Variants in ACTL8 observed in about 807,000 individuals in gnomAD.
The protein encoded by ACTL8 is actin-like protein 8.
ACTL8 carries 3 observed loss-of-function variants against 9.3 expected under a neutral mutation model. That is an observed-to-expected ratio of 0.32 (90% CI 0.15 to 0.83). The LOEUF (loss-of-function observed/expected upper bound fraction) is 0.83. Ranked by LOEUF, ACTL8 falls within the 40% of genes least tolerant of loss-of-function variation. The pLI is 0.57. For missense variants in ACTL8, 381 were observed against 492.2 expected, an observed-to-expected ratio of 0.77 and a Z score of 2.14; for synonymous variants, 224 against 205.9, an observed-to-expected ratio of 1.09 and a Z score of -0.75.
intron 1 of ACTL8, among the ~76,000 whole-genome samples, chr1:17,807,771 A>C (rs1197353161): frequency 6.6e-6 from 1 of 151,612 alleles, no homozygotes; most frequent in Non-Finnish European, 1.5e-5. Flanking sequence ...ACACGTTCTC[A>C]CTCATAAGTG....
intron 1 of ACTL8, among the ~76,000 whole-genome samples, chr1:17,785,003 G>A (rs765631411): frequency 2.0e-5 from 3 of 151,980 alleles, no homozygotes; most frequent in East Asian, 1.9e-4. Flanking sequence ...GAGCTTGGGC[G>A]GTAGAACTCC....
rs547638953 is a variant in ACTL8 at position 17,760,498 on chromosome 1, A to G, written c.-25+4994A>G. On this transcript the variant is annotated intron_variant, in intron 1 of 2. Coordinates refer to ENST00000375406, the MANE Select transcript of ACTL8 (RefSeq NM_030812.3). ...TGGGGCTGGCATGGAGCAGATGCACAGTGGTTGCAGCCAACAGGACTGCCA... is the reference window on the plus strand; with the variant it reads ...TGGGGCTGGCATGGAGCAGATGCACGGTGGTTGCAGCCAACAGGACTGCCA... 2.0e-5 allele frequency among the ~76,000 whole-genome samples: 3 copies of G among 152,332 alleles called. No homozygotes were observed. In the East Asian group the frequency reaches 5.8e-4, roughly 29 times the overall value.
intron 1 of ACTL8, among the ~76,000 whole-genome samples, chr1:17,822,211 C>T (rs919894942): frequency 1.3e-5 from 2 of 151,572 alleles, no homozygotes; most frequent in Non-Finnish European, 1.5e-5. Context: ...TGACTCTTAG[C>T]TCTGTTTTTG....
rs867961897 is a variant in ACTL8, at chr1:17,802,428, T to C, written c.-24-20557T>C. Among the ~76,000 whole-genome samples the C allele has an allele frequency of 2.6e-3, 362 of 140,084 alleles. 3 individuals carry two copies. The highest frequency in any genetic ancestry group is 0.011 in the Middle Eastern group (3 of 284). 91.9% of individuals were successfully genotyped at this position (140,084 alleles called of 152,430 possible). A position where few individuals can be genotyped will look rare whatever the true frequency, so the allele number is the denominator to read the frequency against. ...GATCCCGGATGACTGTGCGTGCGTG[T>C]GTGTGTGTGTGTGTGTGTGTGTGTT... On this transcript the variant is annotated intron_variant, in intron 1 of 2. Transcript: ENST00000375406.
At chr1:17,825,729 G>C (rs781411570) in intron 2 of ACTL8, 38 bp from the exon 3 acceptor site, 2 of 1,587,526 alleles carry the variant, frequency 1.3e-6, no homozygotes, top group South Asian at 1.1e-5. Context: ...TGAGCAGGCT[G>C]GGGGGAAATG....
chr1:17,814,852 A>G (rs2124186735), intron 1 of ACTL8, among the ~76,000 whole-genome samples: 1 of 152,274 alleles, frequency 6.6e-6, no homozygotes, highest in Admixed American at 6.5e-5. Context: ...CTACCAACAA[A>G]ACAAGACAAT....
At chr1:17,817,516 C>T (rs1020797392) in intron 1 of ACTL8, among the ~76,000 whole-genome samples, 2 of 152,018 alleles carry the variant, frequency 1.3e-5, no homozygotes, top group South Asian at 2.1e-4. Flanking sequence ...TTTCTCTGCT[C>T]GGTCCCGGGA....
intron 1 of ACTL8, among the ~76,000 whole-genome samples, chr1:17,822,725 G>A (rs914331208): frequency 6.6e-6 from 1 of 152,160 alleles, no homozygotes; most frequent in Non-Finnish European, 1.5e-5. Context: ...TGTGTGCAAA[G>A]TGCAGTGGGA....
At chr1:17,791,868 A>AG (rs753461847) in intron 1 of ACTL8, among the ~76,000 whole-genome samples, 9 of 152,230 alleles carry the variant, frequency 5.9e-5, no homozygotes, top group Non-Finnish European at 1.0e-4. Context: ...AGGAAGAGAG[A>AG]GGGAAAAAAT....
intron 2 of ACTL8, among the ~76,000 whole-genome samples, chr1:17,825,188 A>G (rs2053703738): frequency 1.3e-5 from 2 of 152,014 alleles, no homozygotes; most frequent in Admixed American, 1.3e-4. Context: ...TGACGTTTGT[A>G]AGGTTTTTAT....
intron 1 of ACTL8, among the ~76,000 whole-genome samples, chr1:17,821,607 A>G (rs2053660435): frequency 6.6e-6 from 1 of 150,612 alleles, no homozygotes; most frequent in Non-Finnish European, 1.5e-5. Context: ...TTTCTGTTCC[A>G]TGGATCTATG....
chr1:17,767,808 C>T lies in ACTL8; in HGVS notation c.-25+12304C>T, dbSNP rs1022329808. Among the ~76,000 whole-genome samples the T allele has an allele frequency of 6.6e-6, 1 of 152,146 alleles. No individual in the cohort carries two copies. The highest frequency in any genetic ancestry group is 1.5e-5 in the Non-Finnish European group (1 of 68,038). On this transcript the variant is annotated intron_variant, in intron 1 of 2. Transcript: ENST00000375406. The surrounding 1 kb of genome is among the most constrained non-coding windows in gnomAD (Gnocchi z 4.7). ...TCCCTGCTTGGCTTCTCGGCTCAGTCTGATGCCGTGACTGCTGACACGGGA... is the reference window on the plus strand; with the variant it reads ...TCCCTGCTTGGCTTCTCGGCTCAGTTTGATGCCGTGACTGCTGACACGGGA...
At chr1:17,771,768 C>T (rs1051768017) in intron 1 of ACTL8, among the ~76,000 whole-genome samples, 1 of 152,086 alleles carries the variant, frequency 6.6e-6, no homozygotes, top group Admixed American at 6.5e-5. Flanking sequence ...ACAGATACTC[C>T]TGACATGCTG....
chr1:17,798,860 A>G (rs1375539773), intron 1 of ACTL8, among the ~76,000 whole-genome samples: 1 of 152,218 alleles, frequency 6.6e-6, no homozygotes, highest in Non-Finnish European at 1.5e-5. Context: ...TAAAATAAGC[A>G]GGCGTTTGCC....
At chr1:17,773,799 A>G (rs368742914) in intron 1 of ACTL8, among the ~76,000 whole-genome samples, 7 of 152,236 alleles carry the variant, frequency 4.6e-5, no homozygotes, top group Admixed American at 1.3e-4. Context: ...AGTCCATAGA[A>G]CAGCACTTGG....
intron 1 of ACTL8, among the ~76,000 whole-genome samples, chr1:17,786,460 T>C (rs2066198261): frequency 6.6e-6 from 1 of 152,206 alleles, no homozygotes; most frequent in African/African-American, 2.4e-5. Context: ...TGTCTGTTTG[T>C]CTTGTGGTTC....
At chr1:17,761,492 T>C (rs2066003556) in intron 1 of ACTL8, among the ~76,000 whole-genome samples, 1 of 152,072 alleles carries the variant, frequency 6.6e-6, no homozygotes, top group Non-Finnish European at 1.5e-5. Flanking sequence ...TGGGTCTTCA[T>C]AGCTTCGACT....
intron 1 of ACTL8, among the ~76,000 whole-genome samples, chr1:17,795,651 A>T (rs1366045710): frequency 2.0e-5 from 3 of 152,194 alleles, no homozygotes; most frequent in Non-Finnish European, 2.9e-5. Flanking sequence ...GGCTCCAATC[A>T]GGGAGGCAGT....
At chr1:17,813,637 T>C (rs2066407238) in intron 1 of ACTL8, among the ~76,000 whole-genome samples, 1 of 152,216 alleles carries the variant, frequency 6.6e-6, no homozygotes, top group Admixed American at 6.5e-5. Context: ...CCCCACAAAC[T>C]GAGTTGGGGT....
Sources: gnomAD v4.1 joint callset for allele counts (sites outside exome capture counted in the v4.1 genomes callset) on GRCh38, gnomAD v4.1.1 for gene constraint, Gnocchi (gnomAD v3.1) non-coding constraint, MANE v1.5 for transcripts, NCBI Gene and HGNC (gene_info 2026-07-23, HGNC 2026-07-21) for gene names.